The following ACBD5 variants were observed in gnomAD, a reference collection of about 807,000 sequenced individuals.
ACBD5 encodes acyl-CoA-binding domain-containing protein 5.
ACBD5 carries 40 observed loss-of-function variants against 71.8 expected under a neutral mutation model. The ratio of observed to expected loss-of-function variants is 0.56; its 90% confidence interval spans 0.43 to 0.72. The LOEUF (loss-of-function observed/expected upper bound fraction) is 0.72. Ranked by LOEUF, ACBD5 falls within the 30% of genes least tolerant of loss-of-function variation. The pLI is 0.00. For missense variants in ACBD5, 559 were observed against 644.5 expected (o/e 0.87, Z 1.44); for synonymous variants, 229 against 218.6 (o/e 1.05, Z -0.42).
intron 4 of ACBD5, among the ~76,000 whole-genome samples, chr10:27,228,450 G>C (rs899893086): frequency 6.6e-6 from 1 of 151,690 alleles, no homozygotes; most frequent in East Asian, 2.0e-4. Flanking sequence ...GGTGGTTTGC[G>C]CCTGTAATCC....
intron 5 of ACBD5, 40 bp downstream of exon 5, chr10:27,223,298 T>C: frequency 7.2e-7 from 1 of 1,384,098 alleles, no homozygotes; most frequent in Non-Finnish European, 1.0e-6. Flanking sequence ...GTGCATAATA[T>C]ATCAGTTGAT....
At chr10:27,183,093 AT>A (rs1422803941) in intron 13 of ACBD5, among the ~76,000 whole-genome samples, 3 of 152,142 alleles carry the variant, frequency 2.0e-5, no homozygotes, top group Non-Finnish European at 2.9e-5. Flanking sequence ...ATGTTCTGTA[AT>A]TTCTTATTGC....
chr10:27,225,209 A>T (rs1195091809), intron 4 of ACBD5, among the ~76,000 whole-genome samples: 1 of 151,622 alleles, frequency 6.6e-6, no homozygotes, highest in Non-Finnish European at 1.5e-5. Flanking sequence ...AATTTCAGAC[A>T]CCTTCATAAG....
chr10:27,194,724 G>A (rs1351250769), downstream of ACBD5, among the ~76,000 whole-genome samples: 8 of 151,886 alleles, frequency 5.3e-5, no homozygotes, highest in East Asian at 3.9e-4. Context: ...CCGGCTGGGT[G>A]CAGTGGCTCA....
At chr10:27,208,163 T>A in intron 10 of ACBD5, 83 bp downstream of exon 10, 6 of 1,359,732 alleles carry the variant, frequency 4.4e-6, no homozygotes, top group Non-Finnish European at 6.3e-6. Context: ...TACATTAATT[T>A]ATGTCAATAT....
downstream of ACBD5, among the ~76,000 whole-genome samples, chr10:27,194,439 C>A (rs931854451): frequency 6.7e-6 from 1 of 149,732 alleles, no homozygotes; most frequent in Non-Finnish European, 1.5e-5. Context: ...GGCAAAACCC[C>A]GTCTCTACTA....
intron 6 of ACBD5, among the ~76,000 whole-genome samples, chr10:27,218,952 C>T (rs1406163401): frequency 6.6e-6 from 1 of 152,072 alleles, no homozygotes; most frequent in African/African-American, 2.4e-5. Context: ...TATTGGTATT[C>T]CAACAGGGCC....
At chr10:27,212,028 C>T (rs183378262) in intron 8 of ACBD5, among the ~76,000 whole-genome samples, 20 of 152,148 alleles carry the variant, frequency 1.3e-4, no homozygotes, top group South Asian at 2.1e-4. Flanking sequence ...TGGTGAGCAA[C>T]GACCAAATAG....
Position 27,208,412 on chromosome 10 carries a change from T to G in ACBD5, c.1238A>C (p.Lys413Thr), listed in dbSNP as rs774559584. The G allele has an allele frequency of 6.2e-7, 1 of 1,614,112 alleles. No homozygotes were observed. Among genetic ancestry groups the G allele is most frequent in the Non-Finnish European group, 8.5e-7 (1 of 1,180,024 alleles). ...ACCTCCACTTCCCACCTGCCGGCCC[T>G]TGGTTCCTTCGCTCAAGTGTTGCAT... ...HRMQHLSEGT[K>T]GRQVGSGGDG... The change falls in exon 10 of 13, where the codon AAG becomes ACG. Residue 413 changes from lysine (K) to threonine (T), a missense_variant. By Grantham distance (78) the Lys-to-Thr change is moderately conservative (BLOSUM62 -1). Transcript: ENST00000396271.
At chr10:27,241,533 C>T (rs1484986443), upstream of ACBD5, among the ~76,000 whole-genome samples, 1 of 152,076 alleles carries the variant, frequency 6.6e-6, no homozygotes, top group African/African-American at 2.4e-5. Flanking sequence ...CCACCCAGCC[C>T]CAGGGAGCCA....
intron 12 of ACBD5, among the ~76,000 whole-genome samples, chr10:27,199,763 T>C (rs2059717812): frequency 6.6e-6 from 1 of 152,216 alleles, no homozygotes; most frequent in South Asian, 2.1e-4. Flanking sequence ...ATGATAGCAA[T>C]TTAGGAATCT....
At chr10:27,215,480 T>C (rs978911116) in intron 8 of ACBD5, 55 bp downstream of exon 8, 3 of 1,234,858 alleles carry the variant, frequency 2.4e-6, no homozygotes, top group Middle Eastern at 1.9e-4. Context: ...AAGTTACGCA[T>C]TGAATTCTAA....
At position 27,197,205 on chromosome 10, in the gene ACBD5, C is replaced by A; in HGVS notation, c.*225G>T. ...GTAAATCTGTGTATACTACTTATAA[C>A]CTAGTAGAGATTGATTATTCAAGTA... On this transcript the variant is annotated 3_prime_UTR_variant, in exon 13 of 13. Transcript: ENST00000396271. 1 of 635,174 alleles carries A rather than the reference C, an allele frequency of 1.6e-6. No individual in the cohort carries two copies. 39.3% of individuals were successfully genotyped at this position (635,174 alleles called of 1,614,324 possible).
At position 27,197,203 on chromosome 10, in the gene ACBD5, A is replaced by C; in HGVS notation, c.*227T>G. 1.6e-6 allele frequency: 1 copy of C among 625,274 alleles called. No homozygotes were observed. Among genetic ancestry groups the C allele is most frequent in the Non-Finnish European group, 2.9e-6 (1 of 340,092 alleles). 38.7% of individuals were successfully genotyped at this position (625,274 alleles called of 1,614,324 possible). On this transcript the variant is annotated 3_prime_UTR_variant, in exon 13 of 13. Transcript: ENST00000396271. ...GGGTAAATCTGTGTATACTACTTAT[A>C]ACCTAGTAGAGATTGATTATTCAAG...
intron 2 of ACBD5, among the ~76,000 whole-genome samples, chr10:27,237,709 C>G (rs752232397): frequency 6.6e-6 from 1 of 150,754 alleles, no homozygotes; most frequent in East Asian, 2.0e-4. Flanking sequence ...CAACCTCCGC[C>G]TCCCGAGTTC....
At chr10:27,194,800 A>G (rs1488982921), downstream of ACBD5, among the ~76,000 whole-genome samples, 1 of 151,778 alleles carries the variant, frequency 6.6e-6, no homozygotes, top group Non-Finnish European at 1.5e-5. Context: ...GATGGAAACC[A>G]TCCTGGCCAA....
chr10:27,197,809 G>C (rs1414640690), intron 12 of ACBD5, among the ~76,000 whole-genome samples: 1 of 151,980 alleles, frequency 6.6e-6, no homozygotes, highest in Non-Finnish European at 1.5e-5. Context: ...ACCACACCTG[G>C]GTAATTTCTG....
At chr10:27,210,231 T>C (rs1444196563) in intron 9 of ACBD5, among the ~76,000 whole-genome samples, 1 of 152,232 alleles carries the variant, frequency 6.6e-6, no homozygotes, top group East Asian at 1.9e-4. Flanking sequence ...CTCATTGCCC[T>C]TTAGCATCCT....
At chr10:27,184,527 T>TA (rs2058529552) in intron 13 of ACBD5, among the ~76,000 whole-genome samples, 1 of 144,270 alleles carries the variant, frequency 6.9e-6, no homozygotes, top group Non-Finnish European at 1.5e-5. Flanking sequence ...ATTGCCATTA[T>TA]AAAAAACACT....
Sources: allele counts gnomAD v4.1 joint callset (sites outside exome capture counted in the v4.1 genomes callset), GRCh38; gene constraint gnomAD v4.1.1; transcripts MANE v1.5; gene names NCBI Gene and HGNC (gene_info 2026-07-23, HGNC 2026-07-21).